LIMS4: variants seen among roughly 807,000 people sequenced by gnomAD.
LIMS4 encodes the protein LIM and senescent cell antigen-like-containing domain protein 4.
chr2:110,425,225 C>CT, the LIMS4 span, among the ~76,000 whole-genome samples: 1 of 142,470 alleles, frequency 7.0e-6, no homozygotes, highest in Non-Finnish European at 1.5e-5. Flanking sequence ...GACCAGATCT[C>CT]TTTAAAAAAA....
At chr2:110,379,093 C>T in the LIMS4 span, among the ~76,000 whole-genome samples, 1 of 148,744 alleles carries the variant, frequency 6.7e-6, no homozygotes. Flanking sequence ...TTGGAGTAGG[C>T]TAAATTTATT....
At chr2:110,397,069 C>A in the LIMS4 span, among the ~76,000 whole-genome samples, 1 of 11,502 alleles carries the variant, frequency 8.7e-5, no homozygotes, top group Admixed American at 8.8e-4. Flanking sequence ...TTGAGGCCTG[C>A]AGGCTGGGAG....
the LIMS4 span, among the ~76,000 whole-genome samples, chr2:110,392,092 G>A: frequency 6.6e-6 from 1 of 152,062 alleles, no homozygotes; most frequent in African/African-American, 2.4e-5. Context: ...CACCTTGCAT[G>A]TTTCATCTGT....
chr2:110,425,671 G>A, the LIMS4 span, among the ~76,000 whole-genome samples: 1 of 142,514 alleles, frequency 7.0e-6, no homozygotes, highest in African/African-American at 3.0e-5. Context: ...GAAAGACTCA[G>A]CGTGCCTGGA....
At chr2:110,407,624 A>C in the LIMS4 span, among the ~76,000 whole-genome samples, 1 of 141,166 alleles carries the variant, frequency 7.1e-6, no homozygotes, top group South Asian at 2.2e-4. Context: ...TAACTCAAAA[A>C]AAAAAAAAAT....
chr2:110,385,345 C>T, the LIMS4 span, among the ~76,000 whole-genome samples: 1 of 140,544 alleles, frequency 7.1e-6, no homozygotes, highest in East Asian at 2.2e-4. Context: ...CCCACAAAAG[C>T]CTCCAATGCC....
chr2:110,392,239 G>A, the LIMS4 span, among the ~76,000 whole-genome samples: 3 of 151,310 alleles, frequency 2.0e-5, no homozygotes, highest in Non-Finnish European at 4.4e-5. Context: ...TGGGTTGTAG[G>A]TGGAGTAAAG....
chr2:110,360,886 A>G, the LIMS4 span: 5 of 1,425,932 alleles, frequency 3.5e-6, no homozygotes, highest in East Asian at 1.2e-4. Context: ...AGCAGAGGCC[A>G]CACTCCCGGC....
At chr2:110,359,559 C>T in the LIMS4 span, among the ~76,000 whole-genome samples, 2 of 17,552 alleles carry the variant, frequency 1.1e-4, 1 homozygote, top group African/African-American at 1.5e-4. Context: ...CGGTGGTTGA[C>T]GTCGTGCATC....
chr2:110,425,694 G>T, the LIMS4 span, among the ~76,000 whole-genome samples: 18 of 142,186 alleles, frequency 1.3e-4, no homozygotes, highest in South Asian at 3.9e-3. Context: ...GGACGCTGTT[G>T]CCTCGAGGAT....
At chr2:110,360,443 TA>T in the LIMS4 span, among the ~76,000 whole-genome samples, 1 of 88,484 alleles carries the variant, frequency 1.1e-5, no homozygotes, top group Non-Finnish European at 2.1e-5. Context: ...TTTTAATACT[TA>T]ATGAGGATAT....
downstream of LIMS4, among the ~76,000 whole-genome samples, chr2:110,442,662 C>CAT (rs1553509916): frequency 7.2e-3 from 1,012 of 141,234 alleles, no homozygotes; most frequent in South Asian, 7.7e-3. Flanking sequence ...TATATACACA[C>CAT]ATATATATAT....
the LIMS4 span, chr2:110,386,463 G>A: frequency 2.3e-6 from 1 of 427,836 alleles, no homozygotes; most frequent in Non-Finnish European, 3.9e-6. Flanking sequence ...GCAGAATGGG[G>A]TCCTTGGGGA....
At chr2:110,365,486 A>G in the LIMS4 span, among the ~76,000 whole-genome samples, 1 of 130,758 alleles carries the variant, frequency 7.6e-6, no homozygotes, top group African/African-American at 3.6e-5. Context: ...AAAACCAAAG[A>G]AAAAAAAGAT....
At chr2:110,382,146 T>C in the LIMS4 span, among the ~76,000 whole-genome samples, 1 of 87,546 alleles carries the variant, frequency 1.1e-5, no homozygotes, top group Non-Finnish European at 2.0e-5. Flanking sequence ...TATATATATA[T>C]ATATACATGT....
At chr2:110,361,025 G>A in the LIMS4 span, 1 of 1,540,316 alleles carries the variant, frequency 6.5e-7, no homozygotes. Flanking sequence ...CTTTGGTTGA[G>A]TGATTGCTCC....
the LIMS4 span, chr2:110,362,048 G>A: frequency 9.4e-6 from 12 of 1,281,412 alleles, no homozygotes; most frequent in Non-Finnish European, 1.3e-5. Context: ...CCTGCAGATG[G>A]CCCTGCACTC....
the LIMS4 span, among the ~76,000 whole-genome samples, chr2:110,359,710 G>C: frequency 2.1e-5 from 2 of 95,988 alleles, no homozygotes; most frequent in Non-Finnish European, 4.1e-5. Flanking sequence ...TTGTGTTTCT[G>C]TAATAGTTAA....
the LIMS4 span, chr2:110,386,662 A>G: frequency 3.6e-5 from 25 of 698,232 alleles, 1 homozygote; most frequent in Non-Finnish European, 5.8e-5. Flanking sequence ...GGCCAGTGAC[A>G]GTGGTGCCTC....
Sources: allele counts gnomAD v4.1 joint callset (sites outside exome capture counted in the v4.1 genomes callset), GRCh38; gene constraint gnomAD v4.1.1; transcripts MANE v1.5; gene names NCBI Gene and HGNC (gene_info 2026-07-23, HGNC 2026-07-21).